The following ATP5MJ variants were observed in gnomAD, a reference collection of about 807,000 sequenced individuals.
The protein encoded by ATP5MJ is ATP synthase F(0) complex subunit j, mitochondrial.
Under a neutral mutation model 8.3 loss-of-function variants are expected in ATP5MJ, and 4 were observed. That is an observed-to-expected ratio of 0.48 (90% CI 0.24 to 1.11). The LOEUF (loss-of-function observed/expected upper bound fraction) is 1.11. Ranked by LOEUF, ATP5MJ falls within the 50% of genes least tolerant of loss-of-function variation. ATP5MJ has a pLI of 0.18. For missense variants in ATP5MJ, 66 were observed against 71.8 expected (o/e 0.92, Z 0.29); for synonymous variants, 23 against 21.3 (o/e 1.08, Z -0.23).
At chr14:103,913,896 C>A (rs2087601916) in intron 3 of ATP5MJ, 65 bp downstream of exon 3, 1 of 1,550,720 alleles carries the variant, frequency 6.4e-7, no homozygotes, top group Non-Finnish European at 8.9e-7. Flanking sequence ...CAACGATATA[C>A]CTTGTCCTGA....
intron 1 of ATP5MJ, among the ~76,000 whole-genome samples, chr14:103,918,521 T>A (rs4906385): frequency 6.6e-6 from 1 of 151,626 alleles, no homozygotes; most frequent in Non-Finnish European, 1.5e-5. Flanking sequence ...CCACCACGCC[T>A]GGCTAATTTT....
At chr14:103,914,837 C>CAAAAAGGAAAAAAAAAAAAAAA (rs370479683) in intron 2 of ATP5MJ, 32 of 191,070 alleles carry the variant, frequency 1.7e-4, no homozygotes, top group African/African-American at 1.5e-3. Context: ...AGACTGTCTC[C>CAAAAAGGAAAAAAAAAAAAAAA]AAAAAAAAAA....
chr14:103,919,466 T>C (rs994378841), intron 1 of ATP5MJ, among the ~76,000 whole-genome samples: 1 of 151,698 alleles, frequency 6.6e-6, no homozygotes, highest in African/African-American at 2.4e-5. Flanking sequence ...TGGCTATAAT[T>C]AATACTAAGC....
At chr14:103,915,519 G>T (rs1211561249) in intron 1 of ATP5MJ, among the ~76,000 whole-genome samples, 5 of 152,088 alleles carry the variant, frequency 3.3e-5, no homozygotes, top group Non-Finnish European at 7.4e-5. Flanking sequence ...GCTAATTTTT[G>T]TATTTTTAGT....
At chr14:103,916,541 T>A (rs971905545) in intron 1 of ATP5MJ, among the ~76,000 whole-genome samples, 1 of 152,076 alleles carries the variant, frequency 6.6e-6, no homozygotes, top group Non-Finnish European at 1.5e-5. Context: ...GAGACTAATT[T>A]GGGTAACATA....
intron 1 of ATP5MJ, among the ~76,000 whole-genome samples, chr14:103,919,504 T>G (rs1370221070): frequency 6.6e-6 from 1 of 152,020 alleles, no homozygotes; most frequent in African/African-American, 2.4e-5. Flanking sequence ...GAAGGAAGGC[T>G]TAAAAAGACG....
rs192352534 is a variant in ATP5MJ at position 103,920,800 on chromosome 14, C to A, written c.-1+670G>T. ...CTTTCTTGAGTCCATTCTGCCCAGG[C>A]ACATTTCCTAGCTGTGTGTGTCAGT... On this transcript the variant is annotated intron_variant, in intron 1 of 3. Coordinates refer to ENST00000286953, the MANE Select transcript of ATP5MJ (RefSeq NM_004894.3). The A allele has an allele frequency of 2.7e-5, 20 of 754,054 alleles. No individual in the cohort carries two copies. In the African/African-American group the frequency reaches 3.3e-4, roughly 12 times the overall value. The allele number at this position is 754,054 out of a possible 1,614,324, so 46.7% of individuals were successfully genotyped here.
chr14:103,918,589 T>C (rs1009207566), intron 1 of ATP5MJ, among the ~76,000 whole-genome samples: 2 of 151,920 alleles, frequency 1.3e-5, no homozygotes, highest in African/African-American at 4.8e-5. Context: ...CTCGATCTCC[T>C]GACCTTGTGT....
chr14:103,915,948 T>G (rs895264465), intron 1 of ATP5MJ, among the ~76,000 whole-genome samples: 1 of 152,170 alleles, frequency 6.6e-6, no homozygotes, highest in Non-Finnish European at 1.5e-5. Flanking sequence ...ATGACTCTAA[T>G]GTCTAAATCG....
chr14:103,921,162 A>G, intron 1 of ATP5MJ: 1 of 822,598 alleles, frequency 1.2e-6, no homozygotes, highest in Non-Finnish European at 2.0e-6. Context: ...AACTCTGCGT[A>G]GCCTCTGGGT....
chr14:103,913,912 C>T (rs1220849534), intron 3 of ATP5MJ, 49 bp downstream of exon 3: 1 of 1,588,246 alleles, frequency 6.3e-7, no homozygotes. Context: ...CCTGAAAAGA[C>T]ATGATGCTGT....
chr14:103,915,538 G>T (rs890402329), intron 1 of ATP5MJ, among the ~76,000 whole-genome samples: 1 of 152,122 alleles, frequency 6.6e-6, no homozygotes, highest in Non-Finnish European at 1.5e-5. Flanking sequence ...GTAGAGAGAG[G>T]GTTTTGCCAT....
chr14:103,920,860 T>C lies in ATP5MJ; in HGVS notation c.-1+610A>G, dbSNP rs1046158021. 5 of 1,002,132 alleles carry C rather than the reference T, an allele frequency of 5.0e-6. No individual in the cohort carries two copies. The African/African-American group carries it at 6.4e-5, about 13-fold the overall frequency. The allele number at this position is 1,002,132 out of a possible 1,614,324, so 62.1% of individuals were successfully genotyped here. Reference sequence around the variant, plus strand: ...CCAGACCTTTTAAAAATCCATCTTATTCATAGGCCAAACGTGTGTCTACTG... The same window carrying C: ...CCAGACCTTTTAAAAATCCATCTTACTCATAGGCCAAACGTGTGTCTACTG... On this transcript the variant is annotated intron_variant, in intron 1 of 3. Transcript: ENST00000286953.
At chr14:103,915,245 G>A in intron 1 of ATP5MJ, 56 bp from the exon 2 acceptor site, 1 of 1,582,374 alleles carries the variant, frequency 6.3e-7, no homozygotes. Flanking sequence ...AAACCTAACT[G>A]GTAAAAGATT....
intron 1 of ATP5MJ, among the ~76,000 whole-genome samples, chr14:103,916,434 C>T (rs909120297): frequency 6.6e-6 from 1 of 152,166 alleles, no homozygotes. Context: ...CTTCTCATTT[C>T]ACTTGGAAAC....
chr14:103,914,858 G>A (rs1475008), intron 2 of ATP5MJ: 17,818 of 320,206 alleles, frequency 0.056, 473 homozygotes, highest in South Asian at 0.15. Context: ...AAAAAAAAAA[G>A]AAAAGAAAAG....
At chr14:103,919,903 T>C (rs1013066255) in intron 1 of ATP5MJ, among the ~76,000 whole-genome samples, 10 of 151,816 alleles carry the variant, frequency 6.6e-5, no homozygotes. Context: ...CGCGGCTCAC[T>C]GCAACCTCCG....
chr14:103,914,799 TGCACTCCAG>T (rs2087609809), intron 2 of ATP5MJ: 1 of 478,744 alleles, frequency 2.1e-6, no homozygotes, highest in Admixed American at 4.7e-5. Flanking sequence ...ATCGTGCCAT[TGCACTCCAG>T]CCTGGGCGTC....
At chr14:103,919,407 T>C in intron 1 of ATP5MJ, among the ~76,000 whole-genome samples, 1 of 148,678 alleles carries the variant, frequency 6.7e-6, no homozygotes, top group Non-Finnish European at 1.5e-5. Flanking sequence ...AAAAAAGAAT[T>C]CAGTGACTGA....
Sources: allele counts gnomAD v4.1 joint callset (sites outside exome capture counted in the v4.1 genomes callset), GRCh38; gene constraint gnomAD v4.1.1; transcripts MANE v1.5; gene names NCBI Gene and HGNC (gene_info 2026-07-23, HGNC 2026-07-21).